Variants in TTN observed in about 807,000 individuals in gnomAD.
The protein encoded by TTN is titin, also known as connectin.
In TTN, 1,525 loss-of-function variants were observed where a neutral mutation model predicts 3,223.0. The ratio of observed to expected loss-of-function variants is 0.47; its 90% CI spans 0.45 to 0.49. TTN has a LOEUF of 0.49. Ranked by LOEUF, TTN falls within the 20% of genes least tolerant of loss-of-function variation. The pLI, the probability that TTN is intolerant of heterozygous loss-of-function variation, is 0.00. For synonymous variants in TTN, 14,094 were observed against 15,161.0 expected (o/e 0.93, Z 5.17); for missense variants, 40,786 against 43,424.0 (o/e 0.94, Z 5.40).
At position 178,639,910 on chromosome 2, in the gene TTN, A is replaced by G. The variant is rs2061003425; in HGVS notation, c.40787-122T>C. 2.0e-5 allele frequency: 28 copies of G among 1,424,264 alleles called. No homozygotes were observed. In the South Asian group the frequency reaches 3.4e-4, roughly 17 times the overall value. 88.2% of individuals were successfully genotyped at this position (1,424,264 alleles called of 1,614,324 possible). ...CTTCAAATAACTAGTTTTTAAGAGA[A>G]TAGTATATTAAGCATTTTGAGACGT... On this transcript the variant is annotated intron_variant, in intron 222 of 362. Coordinates refer to ENST00000589042, the MANE Select transcript of TTN (RefSeq NM_001267550.2).
At position 178,593,408 on chromosome 2, in the gene TTN, C is replaced by G. The variant is rs2050664676; in HGVS notation, c.58800G>C (p.Trp19600Cys). Reference protein sequence around the residue: ...EVTKDSALVTWNKPHDGGKPI... With the variant: ...EVTKDSALVTCNKPHDGGKPI... The stretch of plus-strand genomic sequence containing the variant: ...GTTTTCCTCCATCATGTGGCTTATT[C>G]CAGGTTACTAATGCAGAGTCTTTGG... Residue 19600 changes from tryptophan to cysteine, a missense_variant, in exon 299 of 363, where the codon TGG becomes TGC. Physicochemically the swap from Trp to Cys is radical, Grantham distance 215. Coordinates refer to ENST00000589042, the MANE Select transcript of TTN (RefSeq NM_001267550.2). 4 of 1,613,286 alleles carry G rather than the reference C, an allele frequency of 2.5e-6. No homozygotes were observed. Among genetic ancestry groups the G allele is most frequent in the Middle Eastern group, 1.7e-4 (1 of 6,058 alleles).
chr2:178,700,504 C>T (rs190064168), intron 111 of TTN, among the ~76,000 whole-genome samples: 2 of 152,284 alleles, frequency 1.3e-5, no homozygotes, highest in East Asian at 1.9e-4. Flanking sequence ...CAGAAAGTCC[C>T]AGGAAATCTG....
At chr2:178,793,668 C>T (rs945126266) in intron 8 of TTN, 127 bp from the exon 9 acceptor site, 55 of 1,276,600 alleles carry the variant, frequency 4.3e-5, no homozygotes, top group South Asian at 3.3e-4. Context: ...GGTGTGGTGG[C>T]GCACACCTGT....
chr2:178,736,112 C>T (rs958024986), intron 49 of TTN, 38 bp from the exon 50 acceptor site: 2 of 1,500,868 alleles, frequency 1.3e-6, no homozygotes, highest in African/African-American at 2.8e-5. Flanking sequence ...ATTTAGTCCC[C>T]ACCAAAGCAC....
Position 178,584,986 on chromosome 2 carries a change from A to G in TTN, c.64673-18T>C, listed in dbSNP as rs1165477137. 6.2e-7 allele frequency: 1 copy of G among 1,608,474 alleles called. No individual in the cohort carries two copies. Among genetic ancestry groups the G allele is most frequent in the Non-Finnish European group, 8.5e-7 (1 of 1,178,360 alleles). On this transcript the variant is annotated intron_variant, in intron 309 of 362. Coordinates refer to ENST00000589042, the MANE Select transcript of TTN (RefSeq NM_001267550.2). The stretch of plus-strand genomic sequence containing the variant: ...GGGGGCATCTACATGAACCAAGAGG[A>G]AAGAAATGTAAGAACAAGGATTTGA...
chr2:178,650,308 G>A, intron 209 of TTN, 37 bp from the exon 210 acceptor site: 1 of 1,497,064 alleles, frequency 6.7e-7, no homozygotes, highest in East Asian at 2.5e-5. Context: ...TCAATGTATG[G>A]AACAATATTC....
Position 178,777,562 on chromosome 2 carries a change from A to G in TTN, c.4503T>C (p.Tyr1501=), listed in dbSNP as rs778471783. 4.3e-6 allele frequency: 7 copies of G among 1,613,956 alleles called. No homozygotes were observed. In the South Asian group the frequency reaches 7.7e-5, roughly 18 times the overall value. The stretch of plus-strand genomic sequence containing the variant: ...CTTCTTTAATGACTACTTTATGGGT[A>G]TAGTCATTGACAATTTGCTGGCCTG... ...FHDGQQIVND[Y]THKVVIKEDG... The change falls in exon 26 of 363, where the codon TAT becomes TAC. Residue 1501 remains tyrosine (Y), a synonymous_variant. Coordinates refer to ENST00000589042, the MANE Select transcript of TTN (RefSeq NM_001267550.2).
rs770787056 is a variant in TTN at position 178,561,013 on chromosome 2, C to A, written c.85119G>T (p.Glu28373Asp). The A allele has an allele frequency of 1.8e-5, 29 of 1,613,708 alleles. No individual in the cohort carries two copies. The highest frequency in any genetic ancestry group is 2.3e-5 in the Non-Finnish European group (27 of 1,179,796). Residue 28373 changes from glutamate to aspartate, a missense_variant, in exon 326 of 363, where the codon GAG (glutamate) becomes GAT (aspartate). Coordinates refer to ENST00000589042, the MANE Select transcript of TTN (RefSeq NM_001267550.2). ...FRDVIVVKAG[E>D]VLKINADIAG... ...CAATGTCTGCATTTATCTTAAGGACCTCTCCAGCTTTGACAACAATAACGT... is the reference window on the plus strand; with the variant it reads ...CAATGTCTGCATTTATCTTAAGGACATCTCCAGCTTTGACAACAATAACGT...
chr2:178,746,829 T>C (rs757758884), intron 47 of TTN: 11 of 1,613,436 alleles, frequency 6.8e-6, no homozygotes, highest in Admixed American at 1.7e-5. Context: ...ACCTTCCTTT[T>C]GGTCAGAGGT....
At position 178,712,790 on chromosome 2, in the gene TTN, A is replaced by T; in HGVS notation, c.27235T>A (p.Phe9079Ile). 1.2e-6 allele frequency: 2 copies of T among 1,613,818 alleles called. No individual in the cohort carries two copies. Among genetic ancestry groups the T allele is most frequent in the Middle Eastern group, 1.7e-4 (1 of 6,060 alleles). Residue 9079 changes from phenylalanine to isoleucine, a missense_variant, in exon 94 of 363, where the codon TTC (phenylalanine) becomes ATC (isoleucine). Phe to Ile is a conservative substitution (Grantham distance 21, BLOSUM62 0). Transcript: ENST00000589042. ...CCACTTTGTGATGTATCTACATCGA[A>T]CAACTCCAGTTCAGCAACTGAATCC... ...LEDSVAELEL[F>I]DVDTSQSGEY...
rs1553528649 is a variant in TTN, at chr2:178,548,019, A to G, written c.93607T>C (p.Ser31203Pro). ...GYSEPREAFS[S>P]VIIKEPQIEP... ...ATTTGAGGCTCCTTAATGATGACAG[A>G]AGAGAAGGCTTCTCTGGGTTCACTA... Residue 31203 changes from serine (S) to proline (P), a missense_variant, in exon 339 of 363, where the codon TCT becomes CCT. Coordinates refer to ENST00000589042, the MANE Select transcript of TTN (RefSeq NM_001267550.2). The surrounding 1 kb of genome is among the most constrained non-coding windows in gnomAD (Gnocchi z 4.3). The G allele has an allele frequency of 6.2e-7, 1 of 1,613,830 alleles. No individual in the cohort carries two copies. Among genetic ancestry groups the G allele is most frequent in the Non-Finnish European group, 8.5e-7 (1 of 1,179,794 alleles).
intron 161 of TTN, 29 bp from the exon 162 acceptor site, chr2:178,667,348 A>C (rs1335344153): frequency 1.3e-6 from 2 of 1,574,146 alleles, no homozygotes; most frequent in African/African-American, 2.7e-5. Flanking sequence ...GTTTACATTT[A>C]AAAGTTGTAA....
At chr2:178,598,355 A>AT in intron 292 of TTN, 151 bp downstream of exon 292, 1 of 1,013,128 alleles carries the variant, frequency 9.9e-7, no homozygotes, top group East Asian at 2.7e-5. Context: ...GATTTCTGAC[A>AT]TTAACAGATG....
rs371278440 is a variant in TTN, at chr2:178,595,917, G to GT, written c.57545-109dup. Reference sequence around the variant, plus strand: ...AAAATGTTGTTTTGAAGAAAGTAAGGTTTTGTGTCTACTAATTGAGTTAGT... The same window carrying GT: ...AAAATGTTGTTTTGAAGAAAGTAAGGTTTTTGTGTCTACTAATTGAGTTAGT... On this transcript the variant is annotated intron_variant, in intron 294 of 362. Transcript: ENST00000589042. 4 of 1,097,404 alleles carry GT rather than the reference G, an allele frequency of 3.6e-6. No individual in the cohort carries two copies. The African/African-American group carries it at 4.9e-5, about 13-fold the overall frequency. The allele number at this position is 1,097,404 out of a possible 1,614,324, so 68.0% of individuals were successfully genotyped here.
In TTN at chr2:178,527,762, C is replaced by A; in HGVS notation, c.107378-14G>T. 1 of 1,556,010 alleles carries A rather than the reference C, an allele frequency of 6.4e-7. No individual in the cohort carries two copies. Among genetic ancestry groups the A allele is most frequent in the South Asian group, 1.2e-5 (1 of 81,504 alleles). On this transcript the variant is annotated splice_polypyrimidine_tract_variant and intron_variant, in intron 361 of 362. Coordinates refer to ENST00000589042, the MANE Select transcript of TTN (RefSeq NM_001267550.2). ...CTTCAACTAGAGCTGTGGAGCATAG[C>A]AGATACACAGTGAACATCAATGACA...
Position 178,794,464 on chromosome 2 carries a change from C to A in TTN, c.1333G>T (p.Ala445Ser), listed in dbSNP as rs142414432. ...MARVREPVIS[A>S]VEQTAQRTTT... ...GTCCTCTGAGCAGTCTGCTCTACAG[C>A]GCTGATCACTGGTTCTCTCACTCTG... Residue 445 changes from alanine (A) to serine (S), a missense_variant, in exon 8 of 363, where the codon GCT (alanine) becomes TCT (serine). Coordinates refer to ENST00000589042, the MANE Select transcript of TTN (RefSeq NM_001267550.2). The A allele has an allele frequency of 4.3e-6, 7 of 1,614,076 alleles. No homozygotes were observed. The highest frequency in any genetic ancestry group is 1.7e-6 in the Non-Finnish European group (2 of 1,180,022).
In TTN at chr2:178,756,760, T is replaced by G. The variant is rs757587840; in HGVS notation, c.10716A>C (p.Val3572=). 2 of 1,613,834 alleles carry G rather than the reference T, an allele frequency of 1.2e-6. No homozygotes were observed. Among genetic ancestry groups the G allele is most frequent in the East Asian group, 2.2e-5 (1 of 44,846 alleles). ...ALDRQSSGKD[V]RESTKSQAVA... is the part of the protein sequence containing the mutation. Reference sequence around the variant, plus strand: ...CTGCCTGGGACTTGGTGGACTCTCTTACATCTTTCCCAGAACTTTGCCTAT... The same window carrying G: ...CTGCCTGGGACTTGGTGGACTCTCTGACATCTTTCCCAGAACTTTGCCTAT... The change falls in exon 46 of 363, where the codon GTA becomes GTC. Residue 3572 remains valine, a synonymous_variant. Coordinates refer to ENST00000589042, the MANE Select transcript of TTN (RefSeq NM_001267550.2).
Position 178,727,720 on chromosome 2 carries a change from A to G in TTN, c.19858T>C (p.Cys6620Arg), listed in dbSNP as rs1470771648. The G allele has an allele frequency of 6.2e-7, 1 of 1,613,268 alleles. No individual in the cohort carries two copies. The highest frequency in any genetic ancestry group is 1.3e-5 in the African/African-American group (1 of 74,872). The change falls in exon 68 of 363, where the codon TGT (cysteine) becomes CGT (arginine). Residue 6620 changes from cysteine to arginine, a missense_variant. By Grantham distance (180) the Cys-to-Arg change is radical. Transcript: ENST00000589042. ...GTCGACCCTTCCAAGCCAATGAAAC[A>G]TTTAGGACCTGAGACAAGTTCCACA... ...DDVELVSGPK[C>R]FIGLEGSTSF...
chr2:178,728,706 A>G lies in TTN; in HGVS notation c.19220T>C (p.Val6407Ala), dbSNP rs747444832. The G allele has an allele frequency of 6.8e-6, 11 of 1,613,134 alleles. No homozygotes were observed. Among genetic ancestry groups the G allele is most frequent in the Non-Finnish European group, 9.3e-6 (11 of 1,179,302 alleles). The change falls in exon 66 of 363, where the codon GTT becomes GCT. Residue 6407 changes from valine (V) to alanine (A), a missense_variant. Val to Ala is a moderately conservative substitution (Grantham distance 64, BLOSUM62 0). Coordinates refer to ENST00000589042, the MANE Select transcript of TTN (RefSeq NM_001267550.2). ...TTTGAGTTCTGGTGTTCCAGCCACA[A>G]CACATTCCAAGGTCATGGGATCTTT... ...TEKDPMTLEC[V>A]VAGTPELKVK...
Sources: allele counts gnomAD v4.1 joint callset (sites outside exome capture counted in the v4.1 genomes callset), GRCh38; gene constraint gnomAD v4.1.1; non-coding constraint Gnocchi (gnomAD v3.1); transcripts MANE v1.5; gene names NCBI Gene and HGNC (gene_info 2026-07-23, HGNC 2026-07-21).